GRAMD2B: variants seen among roughly 807,000 people sequenced by gnomAD.
The protein encoded by GRAMD2B is GRAM domain-containing protein 2B.
Under a neutral mutation model 59.2 loss-of-function variants are expected in GRAMD2B, and 41 were observed. That is an observed-to-expected ratio of 0.69 (90% CI 0.54 to 0.90). GRAMD2B has a LOEUF of 0.90. GRAMD2B is among the 40% of genes least tolerant of loss of function. The pLI, the probability that GRAMD2B is intolerant of heterozygous loss-of-function variation, is 0.00. For missense variants in GRAMD2B, 424 were observed against 500.5 expected (o/e 0.85, Z 1.46); for synonymous variants, 161 against 182.7 (o/e 0.88, Z 0.96).
chr5:126,480,854 TGAA>T (rs1213924013), intron 8 of GRAMD2B, 147 bp downstream of exon 8: 6 of 659,646 alleles, frequency 9.1e-6, no homozygotes, highest in Non-Finnish European at 1.6e-5. Flanking sequence ...ATATCTTCCT[TGAA>T]GAAGAGGAAA....
chr5:126,366,583 ATAT>A (rs1754446465), upstream of GRAMD2B, among the ~76,000 whole-genome samples: 1 of 152,300 alleles, frequency 6.6e-6, no homozygotes, highest in East Asian at 1.9e-4. Context: ...TTTGAGATAG[ATAT>A]TATTGTTATT....
At chr5:126,395,622 C>A (rs1397970506) in intron 1 of GRAMD2B, among the ~76,000 whole-genome samples, 1 of 152,102 alleles carries the variant, frequency 6.6e-6, no homozygotes, top group Non-Finnish European at 1.5e-5. Context: ...CCAAAAAAAT[C>A]TATTAGTAAA....
chr5:126,396,239 G>C (rs1259481271), intron 1 of GRAMD2B, among the ~76,000 whole-genome samples: 1 of 151,988 alleles, frequency 6.6e-6, no homozygotes, highest in African/African-American at 2.4e-5. Context: ...GTAAACCTAT[G>C]ACATGGGGGT....
upstream of GRAMD2B, among the ~76,000 whole-genome samples, chr5:126,420,929 C>T (rs1759666199): frequency 6.6e-6 from 1 of 152,222 alleles, no homozygotes; most frequent in Admixed American, 6.5e-5. Flanking sequence ...TGGATATATG[C>T]TATGACATGG....
intron 1 of GRAMD2B, among the ~76,000 whole-genome samples, chr5:126,373,096 T>G (rs1171478817): frequency 1.3e-5 from 2 of 152,186 alleles, no homozygotes; most frequent in African/African-American, 4.8e-5. Flanking sequence ...TATTTGAGTA[T>G]TCAATATCAA....
rs1016810222 is a variant in GRAMD2B, at chr5:126,423,438, C to G, written c.-169C>G. The G allele has an allele frequency of 3.6e-6, 5 of 1,407,252 alleles. No individual in the cohort carries two copies. The Admixed American group carries it at 1.1e-4, about 30-fold the overall frequency. 87.2% of individuals were successfully genotyped at this position (1,407,252 alleles called of 1,614,324 possible). ...GCGCCCGCTCCGACGTGTCCAGGTCCGCGGCCCCGGGAGCTTGGCGCGGCC... is the reference window on the plus strand; with the variant it reads ...GCGCCCGCTCCGACGTGTCCAGGTCGGCGGCCCCGGGAGCTTGGCGCGGCC... On this transcript the variant is annotated 5_prime_UTR_variant, in exon 1 of 14. Transcript: ENST00000285689.
At chr5:126,404,800 C>A (rs1053546722) in intron 1 of GRAMD2B, among the ~76,000 whole-genome samples, 1 of 151,820 alleles carries the variant, frequency 6.6e-6, no homozygotes, top group Admixed American at 6.6e-5. Context: ...TCCATGTCAA[C>A]AGGTAGACAA....
chr5:126,472,162 T>C, intron 3 of GRAMD2B, 76 bp from the exon 4 acceptor site: 1 of 1,143,752 alleles, frequency 8.7e-7, no homozygotes. Flanking sequence ...GAGGGAAAAT[T>C]TGTTGTTGAA....
rs182787525 is a variant in GRAMD2B, at chr5:126,379,694, T to G, written c.125+8127T>G. Among the ~76,000 whole-genome samples, 4 of 152,314 alleles carry G rather than the reference T, an allele frequency of 2.6e-5. No individual in the cohort carries two copies. The East Asian group carries it at 7.7e-4, about 29-fold the overall frequency. The stretch of plus-strand genomic sequence containing the variant: ...ATTTTATCATATGTTTGTTAACCAT[T>G]TATATATCTTCTTTTGAGAAGTGTC... On this transcript the variant is annotated intron_variant, in intron 1 of 8. Transcript: ENST00000506445.
At chr5:126,393,048 C>T (rs548776294) in intron 1 of GRAMD2B, among the ~76,000 whole-genome samples, 1 of 152,174 alleles carries the variant, frequency 6.6e-6, no homozygotes, top group African/African-American at 2.4e-5. Flanking sequence ...TCAAAGTTCA[C>T]GCAAGAAAAT....
chr5:126,423,363 A>C, upstream of GRAMD2B: 1 of 1,328,644 alleles, frequency 7.5e-7, no homozygotes, highest in Non-Finnish European at 9.6e-7. Context: ...CTTCGCTTCG[A>C]CCCTCCCCTT....
At chr5:126,366,226 A>G (rs1754431589) in intron 1 of GRAMD2B, among the ~76,000 whole-genome samples, 1 of 152,164 alleles carries the variant, frequency 6.6e-6, no homozygotes, top group Non-Finnish European at 1.5e-5. Flanking sequence ...GGGACTTAAG[A>G]TATGCTTTAG....
chr5:126,446,775 G>A (rs904478222), intron 1 of GRAMD2B, among the ~76,000 whole-genome samples: 2 of 152,088 alleles, frequency 1.3e-5, no homozygotes, highest in African/African-American at 2.4e-5. Context: ...ACATCCTTAT[G>A]AAGATGCCAC....
At chr5:126,472,342 T>A (rs371107404) in intron 4 of GRAMD2B, 38 bp downstream of exon 4, 9 of 1,523,356 alleles carry the variant, frequency 5.9e-6, no homozygotes, top group Non-Finnish European at 8.2e-6. Flanking sequence ...AGCTACATAT[T>A]TGAAAAGTTG....
chr5:126,402,841 C>T (rs1757954313), intron 1 of GRAMD2B, among the ~76,000 whole-genome samples: 1 of 151,994 alleles, frequency 6.6e-6, no homozygotes, highest in African/African-American at 2.4e-5. Context: ...AACTCCAAAA[C>T]ACATCTGGCC....
intron 2 of GRAMD2B, 65 bp downstream of exon 2, chr5:126,465,610 G>T: frequency 6.8e-7 from 1 of 1,474,434 alleles, no homozygotes; most frequent in Non-Finnish European, 9.3e-7. Flanking sequence ...TACAGGAGGA[G>T]CAGGGGTTTT....
intron 1 of GRAMD2B, among the ~76,000 whole-genome samples, chr5:126,424,423 G>A (rs946682603): frequency 2.0e-5 from 3 of 152,070 alleles, no homozygotes; most frequent in Non-Finnish European, 1.5e-5. Context: ...TCTTGTTCTG[G>A]TATCAGGATA....
intron 10 of GRAMD2B, 50 bp downstream of exon 10, chr5:126,484,574 CTGTT>C (rs761524955): frequency 1.3e-6 from 2 of 1,508,516 alleles, no homozygotes; most frequent in Admixed American, 2.3e-5. Flanking sequence ...TTGGAGATGT[CTGTT>C]TGTAACTTTT....
intron 9 of GRAMD2B, among the ~76,000 whole-genome samples, chr5:126,483,947 G>C (rs1307179527): frequency 1.3e-5 from 2 of 152,220 alleles, no homozygotes; most frequent in Non-Finnish European, 2.9e-5. Context: ...TCCTGTCTCA[G>C]CCTCCTGAGT....
Sources: allele counts gnomAD v4.1 joint callset (sites outside exome capture counted in the v4.1 genomes callset), GRCh38; gene constraint gnomAD v4.1.1; transcripts MANE v1.5; gene names NCBI Gene and HGNC (gene_info 2026-07-23, HGNC 2026-07-21).